GRM7: variants seen among roughly 807,000 people sequenced by gnomAD.
The protein encoded by GRM7 is glutamate metabotropic receptor 7.
GRM7 carries 35 observed loss-of-function variants against 84.5 expected under a neutral mutation model. The observed-to-expected ratio is 0.41, with a 90% CI of 0.32 to 0.55. GRM7 has a LOEUF of 0.55. GRM7 is among the 20% of genes least tolerant of loss of function. The pLI is 0.19. For synonymous variants in GRM7, 487 were observed against 455.1 expected, an observed-to-expected ratio of 1.07 and a Z score of -0.89; for missense variants, 1,003 against 1,194.6, an observed-to-expected ratio of 0.84 and a Z score of 2.36.
At chr3:7,438,301 G>T (rs1697142629) in intron 5 of GRM7, among the ~76,000 whole-genome samples, 1 of 152,030 alleles carries the variant, frequency 6.6e-6, no homozygotes, top group African/African-American at 2.4e-5. Context: ...GAGAGAAGGA[G>T]ACAACTGTGC....
chr3:7,706,531 A>G (rs1348662075), intron 9 of GRM7, among the ~76,000 whole-genome samples: 1 of 152,198 alleles, frequency 6.6e-6, no homozygotes, highest in East Asian at 1.9e-4. Flanking sequence ...TATACTAACA[A>G]TACAATTTAC....
chr3:7,354,680 C>T (rs1438056544), intron 4 of GRM7, among the ~76,000 whole-genome samples: 1 of 152,116 alleles, frequency 6.6e-6, no homozygotes, highest in Non-Finnish European at 1.5e-5. Flanking sequence ...CAGATGGATC[C>T]TGAAGAATGG....
At chr3:7,736,513 T>TA (rs2106530836) in intron 9 of GRM7, among the ~76,000 whole-genome samples, 1 of 152,286 alleles carries the variant, frequency 6.6e-6, no homozygotes, top group African/African-American at 2.4e-5. Flanking sequence ...CACAATGTTA[T>TA]ATGAAACCAG....
At chr3:7,065,266 A>T (rs181173068) in intron 1 of GRM7, among the ~76,000 whole-genome samples, 2 of 151,892 alleles carry the variant, frequency 1.3e-5, no homozygotes, top group Admixed American at 1.3e-4. Context: ...TCCTTGCCTA[A>T]GCCAATGTCT....
chr3:6,935,939 C>T (rs1697677388), intron 1 of GRM7, among the ~76,000 whole-genome samples: 1 of 152,078 alleles, frequency 6.6e-6, no homozygotes, highest in Non-Finnish European at 1.5e-5. Context: ...GAATTCCTGA[C>T]CTCAGGTGAT....
intron 1 of GRM7, among the ~76,000 whole-genome samples, chr3:7,023,028 G>C (rs1265690233): frequency 8.2e-6 from 1 of 121,866 alleles, no homozygotes; most frequent in Non-Finnish European, 2.0e-5. Context: ...AATCATGAGG[G>C]AGAATGGATG....
In GRM7 at chr3:7,688,563, G is replaced by T. The variant is rs1031344136; in HGVS notation, c.2698+8268G>T. On this transcript the variant is annotated intron_variant, in intron 9 of 9. Coordinates refer to ENST00000357716, the MANE Select transcript of GRM7 (RefSeq NM_000844.4). Reference sequence around the variant, plus strand: ...TAATTGGGGATATAAGTTGGTTTAAGTTACATTAACTCAAGGAACACGTGA... The same window carrying T: ...TAATTGGGGATATAAGTTGGTTTAATTTACATTAACTCAAGGAACACGTGA... Among the ~76,000 whole-genome samples the T allele has an allele frequency of 7.2e-5, 11 of 152,258 alleles. No individual in the cohort carries two copies. The East Asian group carries it at 2.1e-3, about 29-fold the overall frequency.
intron 4 of GRM7, among the ~76,000 whole-genome samples, chr3:7,353,137 C>A (rs1039944148): frequency 1.3e-5 from 2 of 152,058 alleles, no homozygotes; most frequent in East Asian, 1.9e-4. Context: ...TCCCCTGGAG[C>A]CACCTCCACC....
chr3:7,722,850 C>A (rs1488112502), intron 9 of GRM7, among the ~76,000 whole-genome samples: 1 of 152,052 alleles, frequency 6.6e-6, no homozygotes, highest in African/African-American at 2.4e-5. Context: ...AGTGCAGTGG[C>A]ACTCTGAAAT....
intron 2 of GRM7, among the ~76,000 whole-genome samples, chr3:7,154,530 C>G (rs1025969343): frequency 7.9e-5 from 12 of 152,090 alleles, no homozygotes; most frequent in Non-Finnish European, 1.6e-4. Flanking sequence ...TGAACTCTTT[C>G]TTTACTTGCC....
intron 4 of GRM7, among the ~76,000 whole-genome samples, chr3:7,308,979 T>A (rs756183868): frequency 6.6e-6 from 1 of 152,120 alleles, no homozygotes. Context: ...AAAGTAAAAA[T>A]TAAGATTCCA....
At chr3:6,983,797 TG>T (rs1421714118) in intron 1 of GRM7, among the ~76,000 whole-genome samples, 1 of 145,746 alleles carries the variant, frequency 6.9e-6, no homozygotes, top group Admixed American at 6.9e-5. Flanking sequence ...GATGACCTTT[TG>T]TTTTGTTTTT....
chr3:6,872,459 A>G (rs563452823), intron 1 of GRM7, among the ~76,000 whole-genome samples: 3 of 151,950 alleles, frequency 2.0e-5, no homozygotes, highest in East Asian at 1.9e-4. Context: ...ACGGGAGAAG[A>G]TCGTTGTATT....
Position 6,946,717 on chromosome 3 carries a change from A to G in GRM7, c.519+84810A>G, listed in dbSNP as rs986724355. ...GCATGGAATGTTCTTCCATTTGTTT[A>G]TATCCTCTTTTATTTCATTGAGCAG... is the stretch of plus-strand genomic sequence containing the variant. On this transcript the variant is annotated intron_variant, in intron 1 of 9. Transcript: ENST00000357716. Among the ~76,000 whole-genome samples, 4 of 152,126 alleles carry G rather than the reference A, an allele frequency of 2.6e-5. No individual in the cohort carries two copies. In the East Asian group the frequency reaches 5.8e-4, roughly 22 times the overall value.
intron 8 of GRM7, among the ~76,000 whole-genome samples, chr3:7,675,380 A>G (rs1443197103): frequency 6.6e-6 from 1 of 152,212 alleles, no homozygotes; most frequent in African/African-American, 2.4e-5. Context: ...TACACAGGAG[A>G]GCTGGCAAAT....
intron 8 of GRM7, among the ~76,000 whole-genome samples, chr3:7,603,584 A>G (rs1032377079): frequency 5.9e-5 from 9 of 152,164 alleles, no homozygotes; most frequent in African/African-American, 2.2e-4. Context: ...ATTTATCTCT[A>G]TAACACTATC....
intron 1 of GRM7, among the ~76,000 whole-genome samples, chr3:7,033,035 G>T (rs1410321621): frequency 6.6e-6 from 1 of 152,130 alleles, no homozygotes; most frequent in Non-Finnish European, 1.5e-5. Flanking sequence ...AATAGAGATG[G>T]GTCCTTTGGA....
At chr3:7,284,506 C>T (rs181745117) in intron 2 of GRM7, among the ~76,000 whole-genome samples, 1 of 152,140 alleles carries the variant, frequency 6.6e-6, no homozygotes, top group East Asian at 1.9e-4. Context: ...ATTTATCTTG[C>T]CTCTTTATCG....
chr3:7,380,589 CTGTT>C (rs1392260820), intron 4 of GRM7, among the ~76,000 whole-genome samples: 1 of 152,192 alleles, frequency 6.6e-6, no homozygotes, highest in Non-Finnish European at 1.5e-5. Context: ...AATGAATTAA[CTGTT>C]TGGCTATCAG....
Sources: allele counts gnomAD v4.1 joint callset (sites outside exome capture counted in the v4.1 genomes callset), GRCh38; gene constraint gnomAD v4.1.1; transcripts MANE v1.5; gene names NCBI Gene and HGNC (gene_info 2026-07-23, HGNC 2026-07-21).